The following PCDHGA10 variants were observed in gnomAD, a reference collection of about 807,000 sequenced individuals.
The protein encoded by PCDHGA10 is protocadherin gamma-A10.
A neutral mutation model predicts 59.5 loss-of-function variants in PCDHGA10; 42 were observed. The ratio of observed to expected loss-of-function variants is 0.71; its 90% CI spans 0.55 to 0.91. The LOEUF is 0.91. PCDHGA10 is among the 40% of genes least tolerant of loss of function. The probability of loss-of-function intolerance (pLI) is 0.00; values close to 1 mark genes in which losing one functional copy is unlikely to be tolerated. For synonymous variants in PCDHGA10, 511 were observed against 517.2 expected, an observed-to-expected ratio of 0.99 and a Z score of 0.16; for missense variants, 1,111 against 1,198.2, an observed-to-expected ratio of 0.93 and a Z score of 1.07.
rs756294828 is a variant in PCDHGA10, at chr5:141,417,904, G to A, written c.2436+2293G>A. 2.5e-6 allele frequency: 4 copies of A among 1,591,934 alleles called. No homozygotes were observed. The South Asian group carries it at 3.4e-5, about 13-fold the overall frequency. On this transcript the variant is annotated intron_variant, in intron 1 of 3. Transcript: ENST00000398610. Reference sequence around the variant, plus strand: ...AGAGGCGCCGGGCCGGCCCGCGGCAGGTACTATTTCCTTTGCTGCTGCCTT... The same window carrying A: ...AGAGGCGCCGGGCCGGCCCGCGGCAAGTACTATTTCCTTTGCTGCTGCCTT...
At chr5:141,467,348 C>T (rs1182432500) in intron 1 of PCDHGA10, among the ~76,000 whole-genome samples, 5 of 152,142 alleles carry the variant, frequency 3.3e-5, no homozygotes, top group African/African-American at 9.7e-5. Context: ...CCACTGCCCC[C>T]GGCCAAATCA....
chr5:141,470,597 T>A (rs1309687738), intron 1 of PCDHGA10, among the ~76,000 whole-genome samples: 5 of 152,216 alleles, frequency 3.3e-5, no homozygotes, highest in Non-Finnish European at 7.3e-5. Flanking sequence ...AGGCGACCTG[T>A]GCGGGGACAC....
In PCDHGA10 at chr5:141,493,468, T is replaced by C. The variant is rs960204561; in HGVS notation, c.2437-1339T>C. On this transcript the variant is annotated intron_variant, in intron 1 of 3. Transcript: ENST00000398610. The surrounding 1 kb of genome is among the most constrained non-coding windows in gnomAD (Gnocchi z 4.3). ...TGGGGTTCCTTCCCTTTTAGGACCT[T>C]ACATGTGGGGAAAGTCTTCTGTGGC... Among the ~76,000 whole-genome samples the C allele has an allele frequency of 4.6e-5, 7 of 152,144 alleles. No individual in the cohort carries two copies. Among genetic ancestry groups the C allele is most frequent in the African/African-American group, 1.4e-4 (6 of 41,426 alleles).
intron 1 of PCDHGA10, chr5:141,427,980 G>A (rs1398178738): frequency 6.3e-7 from 1 of 1,596,206 alleles, no homozygotes. Context: ...CCCCGCGCTG[G>A]GGCCCGATGG....
At chr5:141,497,677 C>T in intron 2 of PCDHGA10, among the ~76,000 whole-genome samples, 1 of 151,836 alleles carries the variant, frequency 6.6e-6, no homozygotes, top group East Asian at 1.9e-4. Context: ...GTAGCTGGGA[C>T]AGCAGGTGTG....
intron 1 of PCDHGA10, chr5:141,418,849 G>T (rs1479117344): frequency 1.5e-5 from 25 of 1,613,886 alleles, no homozygotes; most frequent in Non-Finnish European, 1.8e-5. Context: ...TCTCAACACG[G>T]TGTAAAGTAA....
intron 1 of PCDHGA10, among the ~76,000 whole-genome samples, chr5:141,482,592 C>T (rs187714622): frequency 1.0e-4 from 15 of 142,934 alleles, no homozygotes; most frequent in East Asian, 6.1e-4. Context: ...TGGGACCAAA[C>T]GGGAAAAAAC....
At chr5:141,504,381 T>C (rs1039838477) in intron 2 of PCDHGA10, among the ~76,000 whole-genome samples, 4 of 152,130 alleles carry the variant, frequency 2.6e-5, no homozygotes, top group Non-Finnish European at 5.9e-5. Context: ...GTGGAGTCGC[T>C]GCCTCACAGA....
At chr5:141,421,081 A>G (rs775366249) in intron 1 of PCDHGA10, 61 of 637,820 alleles carry the variant, frequency 9.6e-5, no homozygotes, top group Non-Finnish European at 1.4e-4. Flanking sequence ...ATGGATACTC[A>G]CAGATCCTGA....
At chr5:141,426,586 G>A (rs2096944939) in intron 1 of PCDHGA10, 1 of 363,442 alleles carries the variant, frequency 2.8e-6, no homozygotes, top group African/African-American at 2.1e-5. Flanking sequence ...AAAATCCTCT[G>A]TGTCATACCC....
chr5:141,467,908 C>G (rs2099154038), intron 1 of PCDHGA10, among the ~76,000 whole-genome samples: 1 of 152,172 alleles, frequency 6.6e-6, no homozygotes, highest in Non-Finnish European at 1.5e-5. Flanking sequence ...ATCCGCCCAC[C>G]TCAGCCTCCC....
At chr5:141,455,605 T>C (rs930071553) in intron 1 of PCDHGA10, among the ~76,000 whole-genome samples, 2 of 152,098 alleles carry the variant, frequency 1.3e-5, no homozygotes, top group African/African-American at 4.8e-5. Flanking sequence ...TAGGGCGCCA[T>C]GGATGTTCTA....
chr5:141,459,981 G>C (rs1023972964), intron 1 of PCDHGA10, among the ~76,000 whole-genome samples: 7 of 152,330 alleles, frequency 4.6e-5, no homozygotes, highest in Admixed American at 1.3e-4. Context: ...AGGAGGCTGA[G>C]ACAGGAGAAT....
intron 1 of PCDHGA10, chr5:141,421,581 C>T (rs2096585155): frequency 2.5e-6 from 4 of 1,613,712 alleles, no homozygotes; most frequent in Admixed American, 1.7e-5. Flanking sequence ...TGAAGATTTA[C>T]GGAGTGGAGG....
chr5:141,442,047 G>A (rs186626119), intron 1 of PCDHGA10: 64 of 202,912 alleles, frequency 3.2e-4, no homozygotes, highest in Admixed American at 9.3e-4. Context: ...GCGCCTACTG[G>A]TCGCGGTGCA....
intron 1 of PCDHGA10, among the ~76,000 whole-genome samples, chr5:141,436,350 C>T (rs1034303123): frequency 5.9e-5 from 9 of 152,126 alleles, no homozygotes; most frequent in Non-Finnish European, 1.3e-4. Flanking sequence ...TCAGTGACTT[C>T]AATCAACTAT....
rs539892249 is a variant in PCDHGA10 at position 141,500,355 on chromosome 5, C to T, written c.2496-5038C>T. ...TCCAGAATAGCTGGGACTACAGGCG[C>T]CCACTACCACGCCCGGCTAATTATT... On this transcript the variant is annotated intron_variant, in intron 2 of 3. Coordinates refer to ENST00000398610, the MANE Select transcript of PCDHGA10 (RefSeq NM_018913.3). Among the ~76,000 whole-genome samples, 274 of 152,030 alleles carry T rather than the reference C, an allele frequency of 1.8e-3. 2 individuals are homozygous for T. The highest frequency in any genetic ancestry group is 6.3e-3 in the African/African-American group (263 of 41,478).
rs1329649336 is a variant in PCDHGA10, at chr5:141,477,589, GCTTT to G, written c.2437-17207_2437-17204del. 2 of 1,614,130 alleles carry G rather than the reference GCTTT, an allele frequency of 1.2e-6. No homozygotes were observed. Among genetic ancestry groups the G allele is most frequent in the South Asian group, 1.1e-5 (1 of 91,086 alleles). ...ACCCCGACGCCCCGCAGAATGCTCGGCTTTCTTTCTTTCTCTTGGAGCAAGGAGC... is the reference window on the plus strand; with the variant it reads ...ACCCCGACGCCCCGCAGAATGCTCGGCTTTCTTTCTCTTGGAGCAAGGAGC... On this transcript the variant is annotated intron_variant, in intron 1 of 3. Coordinates refer to ENST00000398610, the MANE Select transcript of PCDHGA10 (RefSeq NM_018913.3). The surrounding 1 kb of genome is among the most constrained non-coding windows in gnomAD (Gnocchi z 4.9).
At chr5:141,500,455 C>T (rs1254764658) in intron 2 of PCDHGA10, among the ~76,000 whole-genome samples, 4 of 151,986 alleles carry the variant, frequency 2.6e-5, no homozygotes, top group Non-Finnish European at 5.9e-5. Context: ...GTGATCCGCC[C>T]GCCTCGGCCT....
Sources: allele counts gnomAD v4.1 joint callset (sites outside exome capture counted in the v4.1 genomes callset), GRCh38; gene constraint gnomAD v4.1.1; non-coding constraint Gnocchi (gnomAD v3.1); transcripts MANE v1.5; gene names NCBI Gene and HGNC (gene_info 2026-07-23, HGNC 2026-07-21).